COLEC10: variants seen among roughly 807,000 people sequenced by gnomAD.
The protein encoded by COLEC10 is collectin subfamily member 10.
COLEC10 carries 22 observed loss-of-function variants against 28.4 expected under a neutral mutation model. The observed-to-expected ratio is 0.78, with a 90% confidence interval of 0.55 to 1.11. The LOEUF is 1.11. Ranked by LOEUF, COLEC10 falls within the 50% of genes least tolerant of loss-of-function variation. The probability of loss-of-function intolerance (pLI) is 0.00; values close to 1 mark genes in which losing one functional copy is unlikely to be tolerated. For synonymous variants in COLEC10, 125 were observed against 116.1 expected (o/e 1.08, Z -0.49); for missense variants, 361 against 344.1 (o/e 1.05, Z -0.39).
At chr8:119,048,500 G>C (rs973626612) in intron 2 of COLEC10, among the ~76,000 whole-genome samples, 1 of 152,186 alleles carries the variant, frequency 6.6e-6, no homozygotes, top group Non-Finnish European at 1.5e-5. Context: ...TGAAGAACTT[G>C]TATTATGAAT....
chr8:119,088,147 A>T (rs1815519279), intron 1 of COLEC10, among the ~76,000 whole-genome samples: 2 of 151,474 alleles, frequency 1.3e-5, no homozygotes, highest in South Asian at 4.2e-4. Context: ...AAAGAGAGAG[A>T]AGGAAGGAAT....
intron 1 of COLEC10, among the ~76,000 whole-genome samples, chr8:119,087,717 T>C (rs917797724): frequency 6.6e-6 from 1 of 152,170 alleles, no homozygotes; most frequent in Non-Finnish European, 1.5e-5. Context: ...TGCCAAATTC[T>C]GTAAAATCCA....
chr8:119,041,282 A>T (rs1814489628), intron 2 of COLEC10, among the ~76,000 whole-genome samples: 1 of 151,540 alleles, frequency 6.6e-6, no homozygotes, highest in African/African-American at 2.4e-5. Flanking sequence ...TTTTTCTGGC[A>T]TGATCCCTAA....
At chr8:119,033,624 A>G (rs1351727119) in intron 2 of COLEC10, among the ~76,000 whole-genome samples, 1 of 152,222 alleles carries the variant, frequency 6.6e-6, no homozygotes, top group East Asian at 1.9e-4. Flanking sequence ...TATGCAGCCA[A>G]CAAACATGAA....
At chr8:119,017,746 A>T (rs1814020084) in intron 2 of COLEC10, among the ~76,000 whole-genome samples, 2 of 152,198 alleles carry the variant, frequency 1.3e-5, no homozygotes, top group Admixed American at 1.3e-4. Flanking sequence ...TTAATCTTGA[A>T]GTCACAAACC....
At chr8:118,966,197 A>G in the COLEC10 span, among the ~76,000 whole-genome samples, 1 of 152,184 alleles carries the variant, frequency 6.6e-6, no homozygotes, top group Non-Finnish European at 1.5e-5. Flanking sequence ...GTAGATCCTT[A>G]TAAAGCACTT....
At chr8:118,992,546 G>C (rs1379972374), upstream of COLEC10, among the ~76,000 whole-genome samples, 1 of 152,114 alleles carries the variant, frequency 6.6e-6, no homozygotes, top group Non-Finnish European at 1.5e-5. Flanking sequence ...TACTTCTCCA[G>C]ATAAAGAACT....
chr8:119,092,221 C>G (rs1029684727), intron 3 of COLEC10, among the ~76,000 whole-genome samples: 1 of 151,036 alleles, frequency 6.6e-6, no homozygotes, highest in Non-Finnish European at 1.5e-5. Context: ...AGATGCCCAC[C>G]ACCACGCCCA....
At chr8:119,016,971 C>T (rs1424118799) in intron 2 of COLEC10, among the ~76,000 whole-genome samples, 2 of 146,080 alleles carry the variant, frequency 1.4e-5, no homozygotes, top group East Asian at 4.1e-4. Context: ...GCCTCGGGCT[C>T]CTGAAGTGCT....
chr8:119,099,283 A>G (rs1475935692), intron 3 of COLEC10, among the ~76,000 whole-genome samples: 1 of 152,034 alleles, frequency 6.6e-6, no homozygotes. Flanking sequence ...CAAATCTTCC[A>G]TAAGCTGGCT....
chr8:119,075,814 A>G (rs541772480), intron 1 of COLEC10, among the ~76,000 whole-genome samples: 65 of 151,996 alleles, frequency 4.3e-4, no homozygotes, highest in Non-Finnish European at 4.6e-4. Context: ...GAGGACCCTA[A>G]TCAACCCAAC....
chr8:119,084,865 G>GT (rs1342166996), intron 1 of COLEC10, among the ~76,000 whole-genome samples: 3 of 151,988 alleles, frequency 2.0e-5, no homozygotes, highest in African/African-American at 7.2e-5. Context: ...ACAATAAAGG[G>GT]TAAAAAAAAC....
chr8:119,095,321 C>T (rs576713054), intron 3 of COLEC10, among the ~76,000 whole-genome samples: 1 of 152,282 alleles, frequency 6.6e-6, no homozygotes, highest in East Asian at 1.9e-4. Context: ...GAAGGTAAAA[C>T]TATGTTACTG....
At chr8:118,979,299 C>A in the COLEC10 span, among the ~76,000 whole-genome samples, 3 of 151,910 alleles carry the variant, frequency 2.0e-5, no homozygotes, top group Non-Finnish European at 4.4e-5. Context: ...TAAACTCAGA[C>A]CTTTATTTGT....
chr8:118,965,468 GCCCCATTTT>G, the COLEC10 span, among the ~76,000 whole-genome samples: 2 of 151,942 alleles, frequency 1.3e-5, no homozygotes, highest in African/African-American at 4.8e-5. Context: ...TGCTCTTCTT[GCCCCATTTT>G]CCCCATTTCT....
intron 1 of COLEC10, among the ~76,000 whole-genome samples, chr8:118,999,893 G>C (rs1813659816): frequency 8.6e-6 from 1 of 116,550 alleles, no homozygotes; most frequent in Non-Finnish European, 1.7e-5. Context: ...AATGAATACA[G>C]AGAATTCTTT....
At position 119,040,014 on chromosome 8, in the gene COLEC10, GTTA is replaced by G. The variant is rs1587013105; in HGVS notation, n.235+30467_235+30469del. Reference sequence around the variant, plus strand: ...GATTAGGGCATGGGCATCTTTGGGGGTTATTATTCTGCTTATCCCAAGAATGTT... The same window carrying G: ...GATTAGGGCATGGGCATCTTTGGGGGTTATTCTGCTTATCCCAAGAATGTT... On this transcript the variant is annotated intron_variant and non_coding_transcript_variant, in intron 2 of 6. Coordinates refer to the COLEC10 transcript ENST00000521788. Among the ~76,000 whole-genome samples the G allele has an allele frequency of 2.0e-5, 3 of 152,162 alleles. No homozygotes were observed. In the East Asian group the frequency reaches 5.8e-4, roughly 29 times the overall value.
intron 2 of COLEC10, among the ~76,000 whole-genome samples, chr8:119,011,818 T>C (rs1005232363): frequency 6.6e-6 from 1 of 151,016 alleles, no homozygotes; most frequent in African/African-American, 2.5e-5. Context: ...CCTTGCAACC[T>C]AGTTACAATT....
chr8:118,970,087 A>G, the COLEC10 span, among the ~76,000 whole-genome samples: 2 of 152,068 alleles, frequency 1.3e-5, no homozygotes, highest in Admixed American at 6.6e-5. Flanking sequence ...TTTGTTATAA[A>G]TAGGAATTTC....
Sources: allele counts gnomAD v4.1 joint callset (sites outside exome capture counted in the v4.1 genomes callset), GRCh38; gene constraint gnomAD v4.1.1; transcripts MANE v1.5; gene names NCBI Gene and HGNC (gene_info 2026-07-23, HGNC 2026-07-21).